FSTL5: variants seen among roughly 807,000 people sequenced by gnomAD.
FSTL5 encodes the protein follistatin-related protein 5.
In FSTL5, 62 loss-of-function variants were observed where a neutral mutation model predicts 89.1. That is an observed-to-expected ratio of 0.70 (90% CI 0.57 to 0.86). The LOEUF (loss-of-function observed/expected upper bound fraction) is 0.86. Among genes scored for constraint, FSTL5 ranks in the 40% least tolerant of loss-of-function variants. The probability of loss-of-function intolerance (pLI) is 0.00; values close to 1 mark genes in which losing one functional copy is unlikely to be tolerated. For missense variants in FSTL5, 1,057 were observed against 1,001.6 expected, an observed-to-expected ratio of 1.06 and a Z score of -0.75; for synonymous variants, 383 against 346.2, an observed-to-expected ratio of 1.11 and a Z score of -1.18.
chr4:161,710,257 T>A (rs1458947752), intron 6 of FSTL5, among the ~76,000 whole-genome samples: 1 of 152,172 alleles, frequency 6.6e-6, no homozygotes, highest in Non-Finnish European at 1.5e-5. Context: ...TATGAGCTAC[T>A]GCACCTGGCC....
chr4:161,661,658 T>C (rs1222401813), intron 6 of FSTL5, among the ~76,000 whole-genome samples: 3 of 152,188 alleles, frequency 2.0e-5, no homozygotes, highest in Non-Finnish European at 4.4e-5. Flanking sequence ...AATTTAGACA[T>C]GCCAAGATAT....
intron 10 of FSTL5, among the ~76,000 whole-genome samples, chr4:161,520,953 T>G (rs1386797129): frequency 6.6e-6 from 1 of 152,248 alleles, no homozygotes; most frequent in Non-Finnish European, 1.5e-5. Flanking sequence ...CAACTCATCT[T>G]TAGCCTGGGG....
intron 2 of FSTL5, among the ~76,000 whole-genome samples, chr4:162,066,317 C>CT (rs373147359): frequency 0.038 from 3,390 of 88,938 alleles, 94 homozygotes; most frequent in African/African-American, 0.057. Context: ...TCTTCTTCTT[C>CT]TTCTTCTTCT....
intron 5 of FSTL5, 42 bp downstream of exon 5, chr4:161,775,836 G>A (rs753623444): frequency 4.1e-6 from 4 of 966,156 alleles, no homozygotes; most frequent in Non-Finnish European, 5.9e-6. Flanking sequence ...TATTGTGCAT[G>A]CTATATTTCA....
At chr4:161,531,293 T>C (rs2126530335) in intron 10 of FSTL5, among the ~76,000 whole-genome samples, 1 of 152,282 alleles carries the variant, frequency 6.6e-6, no homozygotes, top group South Asian at 2.1e-4. Flanking sequence ...TGGATTGTTC[T>C]CTCAATAGTA....
intron 3 of FSTL5, among the ~76,000 whole-genome samples, chr4:161,937,159 C>A (rs904783770): frequency 1.3e-5 from 2 of 151,882 alleles, no homozygotes; most frequent in African/African-American, 4.8e-5. Context: ...CACAACATAA[C>A]AAAACCTGTA....
At chr4:161,458,226 A>G (rs1175640872) in intron 14 of FSTL5, among the ~76,000 whole-genome samples, 1 of 152,220 alleles carries the variant, frequency 6.6e-6, no homozygotes, top group African/African-American at 2.4e-5. Context: ...AACTCACAGA[A>G]TTCTGAGTCA....
chr4:161,714,530 C>T (rs1364478203), intron 6 of FSTL5, among the ~76,000 whole-genome samples: 1 of 152,140 alleles, frequency 6.6e-6, no homozygotes, highest in African/African-American at 2.4e-5. Context: ...CCATTAGCCT[C>T]TATCTTGTAA....
intron 2 of FSTL5, among the ~76,000 whole-genome samples, chr4:162,067,732 T>C (rs999687815): frequency 1.3e-5 from 2 of 152,050 alleles, no homozygotes; most frequent in Non-Finnish European, 2.9e-5. Flanking sequence ...ATAAAGGGTA[T>C]TCAAATAGGA....
At position 161,640,885 on chromosome 4, in the gene FSTL5, G is replaced by C. The variant is rs531479271; in HGVS notation, c.894+15443C>G. On this transcript the variant is annotated intron_variant, in intron 7 of 15. Coordinates refer to ENST00000306100, the MANE Select transcript of FSTL5 (RefSeq NM_020116.5). Reference sequence around the variant, plus strand: ...CAATCAAACCTTTAAGAGCCAAAGAGAGAATTTTGAAAACAGCAAGAGAAC... The same window carrying C: ...CAATCAAACCTTTAAGAGCCAAAGACAGAATTTTGAAAACAGCAAGAGAAC... 2.9e-4 allele frequency among the ~76,000 whole-genome samples: 44 copies of C among 152,290 alleles called. No individual in the cohort carries two copies. The South Asian group carries it at 8.9e-3, about 31-fold the overall frequency.
intron 2 of FSTL5, among the ~76,000 whole-genome samples, chr4:162,099,126 C>G (rs765829104): frequency 6.6e-6 from 1 of 152,010 alleles, no homozygotes; most frequent in South Asian, 2.1e-4. Flanking sequence ...GTCATCACCT[C>G]GAACATGTAT....
chr4:161,821,124 A>C (rs1008609513), intron 4 of FSTL5, among the ~76,000 whole-genome samples: 3 of 152,062 alleles, frequency 2.0e-5, no homozygotes, highest in African/African-American at 4.8e-5. Context: ...TACAGCCTTG[A>C]ACTCCTTAGC....
intron 10 of FSTL5, among the ~76,000 whole-genome samples, chr4:161,517,383 A>G (rs1730878786): frequency 6.6e-6 from 1 of 152,226 alleles, no homozygotes; most frequent in African/African-American, 2.4e-5. Flanking sequence ...TTAATTTAAT[A>G]TGTATTCACT....
At chr4:161,784,609 C>G (rs2126813560) in intron 4 of FSTL5, among the ~76,000 whole-genome samples, 1 of 152,016 alleles carries the variant, frequency 6.6e-6, no homozygotes, top group African/African-American at 2.4e-5. Flanking sequence ...ATATGCTATC[C>G]ACGGGCTGGG....
chr4:161,419,845 T>C, intron 15 of FSTL5, among the ~76,000 whole-genome samples: 1 of 152,224 alleles, frequency 6.6e-6, no homozygotes, highest in East Asian at 1.9e-4. Context: ...TATGTTCTGC[T>C]GGCCTAGAGG....
chr4:161,533,937 C>T (rs1731508485), intron 10 of FSTL5, among the ~76,000 whole-genome samples: 1 of 151,900 alleles, frequency 6.6e-6, no homozygotes, highest in African/African-American at 2.4e-5. Flanking sequence ...ATATGCAAAT[C>T]AACAAATGTA....
chr4:161,985,341 T>A (rs1177340567), intron 3 of FSTL5, among the ~76,000 whole-genome samples: 4 of 152,186 alleles, frequency 2.6e-5, no homozygotes, highest in African/African-American at 9.6e-5. Context: ...GTTAGTTATA[T>A]CATATTGTTA....
intron 13 of FSTL5, among the ~76,000 whole-genome samples, chr4:161,472,508 T>C (rs1733983124): frequency 6.6e-6 from 1 of 152,134 alleles, no homozygotes; most frequent in Non-Finnish European, 1.5e-5. Flanking sequence ...TCCCCTGGCA[T>C]CCTTCAGCAC....
intron 1 of FSTL5, among the ~76,000 whole-genome samples, chr4:162,116,838 T>C (rs1731662046): frequency 6.6e-6 from 1 of 152,210 alleles, no homozygotes; most frequent in Non-Finnish European, 1.5e-5. Context: ...CACCCTGTCC[T>C]AGAAAAATTC....
Sources: allele counts gnomAD v4.1 joint callset (sites outside exome capture counted in the v4.1 genomes callset), GRCh38; gene constraint gnomAD v4.1.1; transcripts MANE v1.5; gene names NCBI Gene and HGNC (gene_info 2026-07-23, HGNC 2026-07-21).